SLC24A3: variants seen among roughly 807,000 people sequenced by gnomAD.
SLC24A3 encodes solute carrier family 24 member 3.
In SLC24A3, 28 loss-of-function variants were observed where a neutral mutation model predicts 75.8. The observed-to-expected ratio is 0.37, with a 90% CI of 0.27 to 0.51. SLC24A3 has a LOEUF of 0.51. Ranked by LOEUF, SLC24A3 falls within the 20% of genes least tolerant of loss-of-function variation. SLC24A3 has a pLI of 0.94. For synonymous variants in SLC24A3, 372 were observed against 334.1 expected, an observed-to-expected ratio of 1.11 and a Z score of -1.24; for missense variants, 663 against 847.8, an observed-to-expected ratio of 0.78 and a Z score of 2.71.
rs576552561 is a variant in SLC24A3 at position 19,557,821 on chromosome 20, T to C, written c.349-22179T>C. ...GCCACCAAGCTGAACTTGTCCACTT[T>C]CATTTTTCTCAAAGGCAAGTTTCTG... On this transcript the variant is annotated intron_variant, in intron 3 of 16. Transcript: ENST00000328041. 1.1e-4 allele frequency among the ~76,000 whole-genome samples: 16 copies of C among 152,340 alleles called. No individual in the cohort carries two copies. In the South Asian group the frequency reaches 3.1e-3, roughly 30 times the overall value.
chr20:19,501,731 G>T (rs191481614), intron 2 of SLC24A3, among the ~76,000 whole-genome samples: 135 of 152,288 alleles, frequency 8.9e-4, no homozygotes, highest in African/African-American at 3.1e-3. Context: ...AGCTTTGGAA[G>T]GCTGCAGTGT....
chr20:19,429,387 C>G lies in SLC24A3; in HGVS notation c.272-86101C>G, dbSNP rs1010083789. On this transcript the variant is annotated intron_variant, in intron 2 of 16. Transcript: ENST00000328041. ...GTTCAGGATTATCCAGGCAGCATTG[C>G]AGCATAATGCTGAAACTCTCATTTT... Among the ~76,000 whole-genome samples, 4 of 152,334 alleles carry G rather than the reference C, an allele frequency of 2.6e-5. No homozygotes were observed. The East Asian group carries it at 7.7e-4, about 29-fold the overall frequency.
intron 2 of SLC24A3, among the ~76,000 whole-genome samples, chr20:19,410,677 A>G (rs1305168610): frequency 1.3e-5 from 2 of 152,216 alleles, no homozygotes; most frequent in Admixed American, 6.5e-5. Flanking sequence ...CCCAGCACCA[A>G]GAACATTGCC....
intron 2 of SLC24A3, among the ~76,000 whole-genome samples, chr20:19,466,182 GA>G (rs1987762729): frequency 6.6e-6 from 1 of 152,152 alleles, no homozygotes; most frequent in African/African-American, 2.4e-5. Context: ...TAATAAATCT[GA>G]ATAGAATTTC....
chr20:19,327,699 G>A (rs1459921220), intron 2 of SLC24A3, among the ~76,000 whole-genome samples: 1 of 152,226 alleles, frequency 6.6e-6, no homozygotes, highest in East Asian at 1.9e-4. Flanking sequence ...GACGCCTGTG[G>A]CTTTCTTGGT....
intron 2 of SLC24A3, among the ~76,000 whole-genome samples, chr20:19,461,021 G>T (rs1987661545): frequency 6.6e-6 from 1 of 152,196 alleles, no homozygotes; most frequent in South Asian, 2.1e-4. Flanking sequence ...CCAGCGGAGG[G>T]ATTGGGGGCA....
intron 6 of SLC24A3, among the ~76,000 whole-genome samples, chr20:19,629,847 T>C (rs368114465): frequency 1.3e-5 from 2 of 152,258 alleles, no homozygotes; most frequent in South Asian, 4.1e-4. Context: ...CTCAGATAAA[T>C]AAAAGCTGAG....
At position 19,440,085 on chromosome 20, in the gene SLC24A3, G is replaced by C. The variant is rs771911777; in HGVS notation, c.272-75403G>C. On this transcript the variant is annotated intron_variant, in intron 2 of 16. Transcript: ENST00000328041. The stretch of plus-strand genomic sequence containing the variant: ...AACAATTTGTCTTTGCTGAAACACA[G>C]TGATGTGAGAATCCTCAAGCACTGA... 1.1e-4 allele frequency among the ~76,000 whole-genome samples: 16 copies of C among 152,352 alleles called. No individual in the cohort carries two copies. The South Asian group carries it at 1.2e-3, about 12-fold the overall frequency.
intron 3 of SLC24A3, among the ~76,000 whole-genome samples, chr20:19,541,450 G>A (rs1600272888): frequency 2.0e-5 from 3 of 152,178 alleles, no homozygotes; most frequent in Admixed American, 6.5e-5. Flanking sequence ...GTATTAGCAC[G>A]TGTGTGTCTA....
chr20:19,248,034 G>A (rs959880605), intron 1 of SLC24A3, among the ~76,000 whole-genome samples: 2 of 152,082 alleles, frequency 1.3e-5, no homozygotes, highest in African/African-American at 4.8e-5. Flanking sequence ...CTTGCTAAAT[G>A]GTAAAGCTTT....
intron 1 of SLC24A3, among the ~76,000 whole-genome samples, chr20:19,277,777 C>T (rs1983529830): frequency 6.6e-6 from 1 of 152,184 alleles, no homozygotes; most frequent in Non-Finnish European, 1.5e-5. Context: ...TTTTACATCT[C>T]TTAATTGGTA....
chr20:19,556,464 A>G (rs1318155131), intron 3 of SLC24A3, among the ~76,000 whole-genome samples: 1 of 151,870 alleles, frequency 6.6e-6, no homozygotes, highest in Non-Finnish European at 1.5e-5. Flanking sequence ...CCATTAAGTC[A>G]TTTAATACGT....
At chr20:19,348,390 T>C (rs1164401804) in intron 2 of SLC24A3, among the ~76,000 whole-genome samples, 2 of 152,168 alleles carry the variant, frequency 1.3e-5, no homozygotes, top group African/African-American at 4.8e-5. Flanking sequence ...CCATTGTCGG[T>C]TGTTAACAGG....
intron 12 of SLC24A3, among the ~76,000 whole-genome samples, chr20:19,687,757 A>G (rs1368837923): frequency 6.6e-6 from 1 of 152,154 alleles, no homozygotes; most frequent in East Asian, 1.9e-4. Context: ...CACCCCTTTC[A>G]GATCCCTGGT....
At chr20:19,648,510 G>A (rs1195182050) in intron 6 of SLC24A3, among the ~76,000 whole-genome samples, 2 of 151,276 alleles carry the variant, frequency 1.3e-5, no homozygotes, top group East Asian at 1.9e-4. Context: ...TTTTAAATGT[G>A]CCGGTAATGT....
intron 2 of SLC24A3, among the ~76,000 whole-genome samples, chr20:19,363,251 C>T (rs1203203334): frequency 2.0e-5 from 3 of 152,174 alleles, no homozygotes; most frequent in Admixed American, 6.5e-5. Context: ...GGGCCGTGGG[C>T]CCTTTTGTTC....
chr20:19,495,640 T>C (rs1384152820), intron 2 of SLC24A3, among the ~76,000 whole-genome samples: 1 of 152,182 alleles, frequency 6.6e-6, no homozygotes, highest in East Asian at 1.9e-4. Flanking sequence ...ACCTTTTGGG[T>C]GGATGATATT....
chr20:19,698,095 G>T (rs2032831480), intron 14 of SLC24A3, among the ~76,000 whole-genome samples: 1 of 152,120 alleles, frequency 6.6e-6, no homozygotes, highest in African/African-American at 2.4e-5. Context: ...TACACAGCAG[G>T]AGCAAGAGGG....
chr20:19,322,350 T>TTTCC (rs1485631654), intron 2 of SLC24A3, among the ~76,000 whole-genome samples: 1 of 114,124 alleles, frequency 8.8e-6, no homozygotes, highest in Non-Finnish European at 1.7e-5. Flanking sequence ...TTGAGCCTTC[T>TTTCC]TTCCTTCCTT....
Sources: gnomAD v4.1 joint callset for allele counts (sites outside exome capture counted in the v4.1 genomes callset) on GRCh38, gnomAD v4.1.1 for gene constraint, MANE v1.5 for transcripts, NCBI Gene and HGNC (gene_info 2026-07-23, HGNC 2026-07-21) for gene names.